CERS4: variants seen among roughly 807,000 people sequenced by gnomAD.
The protein encoded by CERS4 is LAG1 homolog, ceramide synthase 4.
CERS4 carries 65 observed loss-of-function variants against 51.8 expected under a neutral mutation model. That is an observed-to-expected ratio of 1.26 (90% CI 1.03 to 1.54). The LOEUF is 1.54. CERS4 is among the 40% of genes most tolerant of loss of function. CERS4 has a pLI of 0.00. For missense variants in CERS4, 563 were observed against 500.4 expected (o/e 1.13, Z -1.19); for synonymous variants, 228 against 208.4 (o/e 1.09, Z -0.81).
intron 2 of CERS4, among the ~76,000 whole-genome samples, chr19:8,244,839 G>C (rs970722629): frequency 1.3e-5 from 2 of 151,638 alleles, no homozygotes; most frequent in African/African-American, 4.8e-5. Context: ...CTGCCCCCTA[G>C]GCTGGTCTTG....
intron 2 of CERS4, among the ~76,000 whole-genome samples, chr19:8,236,680 TAAA>T (rs59164781): frequency 0.052 from 6,329 of 122,112 alleles, 265 homozygotes; most frequent in African/African-American, 0.12. Context: ...CCCTGTCTTC[TAAA>T]AAAAAAAAAA....
intron 2 of CERS4, among the ~76,000 whole-genome samples, chr19:8,223,434 A>G (rs956499951): frequency 9.9e-5 from 15 of 151,592 alleles, no homozygotes; most frequent in African/African-American, 3.6e-4. Context: ...CCTGACCAAC[A>G]TGTTGAAACC....
intron 9 of CERS4, among the ~76,000 whole-genome samples, chr19:8,257,418 G>A (rs1428250152): frequency 2.7e-5 from 4 of 149,508 alleles, no homozygotes; most frequent in Non-Finnish European, 4.4e-5. Context: ...CTACACACAT[G>A]TGCACACACG....
intron 3 of CERS4, among the ~76,000 whole-genome samples, chr19:8,253,479 CAG>C (rs1407179909): frequency 5.1e-5 from 6 of 117,508 alleles, no homozygotes; most frequent in African/African-American, 7.1e-5. Context: ...TTTGGGGAGA[CAG>C]AGTCTTGTTG....
chr19:8,211,890 CA>C (rs57231018), intron 2 of CERS4, among the ~76,000 whole-genome samples: 2,677 of 75,524 alleles, frequency 0.035, 25 homozygotes, highest in Non-Finnish European at 0.052. Flanking sequence ...AGACTATCTC[CA>C]AAAAAAAAAA....
intron 2 of CERS4, among the ~76,000 whole-genome samples, chr19:8,237,931 CTG>C (rs1167769097): frequency 1.3e-5 from 2 of 152,276 alleles, no homozygotes; most frequent in East Asian, 3.9e-4. Context: ...CTCCGTAATG[CTG>C]TTTTTATTTT....
intron 7 of CERS4, 102 bp downstream of exon 7, chr19:8,256,388 T>TC: frequency 1.5e-6 from 2 of 1,325,606 alleles, no homozygotes; most frequent in Non-Finnish European, 1.1e-6. Context: ...ACACTGTCAT[T>TC]CCCCACTGAG....
At chr19:8,257,769 T>A (rs1309968286) in intron 9 of CERS4, 110 bp from the exon 10 acceptor site, 3 of 772,834 alleles carry the variant, frequency 3.9e-6, no homozygotes, top group Non-Finnish European at 4.5e-6. Context: ...AGGTAGGTAG[T>A]TCCTGGAAAC....
At chr19:8,250,893 G>GTC in intron 2 of CERS4, 183 bp from the exon 3 acceptor site, 7 of 1,424,096 alleles carry the variant, frequency 4.9e-6, no homozygotes, top group South Asian at 1.7e-5. Flanking sequence ...GGCTCTTCTG[G>GTC]GACCAGAGGA....
At chr19:8,219,072 T>G (rs1318052560) in intron 2 of CERS4, among the ~76,000 whole-genome samples, 1 of 152,046 alleles carries the variant, frequency 6.6e-6, no homozygotes, top group Non-Finnish European at 1.5e-5. Context: ...CTGGGCATGG[T>G]GGCGGGCGCC....
chr19:8,236,126 C>T (rs755605678), intron 2 of CERS4, among the ~76,000 whole-genome samples: 2 of 151,958 alleles, frequency 1.3e-5, no homozygotes, highest in Non-Finnish European at 1.5e-5. Context: ...AACCGGGAGG[C>T]GGAGCTTGCA....
chr19:8,256,876 C>T (rs1486708658), intron 8 of CERS4, 73 bp from the exon 9 acceptor site: 3 of 1,609,878 alleles, frequency 1.9e-6, no homozygotes, highest in African/African-American at 1.3e-5. Flanking sequence ...AAAGGACCCA[C>T]TTCTTGGCCC....
At chr19:8,236,680 TAAAAA>T (rs59164781) in intron 2 of CERS4, among the ~76,000 whole-genome samples, 1 of 122,362 alleles carries the variant, frequency 8.2e-6, no homozygotes, top group Admixed American at 8.9e-5. Flanking sequence ...CCCTGTCTTC[TAAAAA>T]AAAAAAAAAA....
chr19:8,226,868 C>T (rs1249473768), intron 2 of CERS4, among the ~76,000 whole-genome samples: 1 of 152,118 alleles, frequency 6.6e-6, no homozygotes, highest in African/African-American at 2.4e-5. Flanking sequence ...GTGGCTCACA[C>T]CTGTAATCCC....
chr19:8,239,886 C>T (rs1054561655), intron 2 of CERS4, among the ~76,000 whole-genome samples: 2 of 152,150 alleles, frequency 1.3e-5, no homozygotes, highest in Admixed American at 1.3e-4. Flanking sequence ...CTGTCTGAGG[C>T]TCTGAGGATA....
At chr19:8,221,875 T>TTTG (rs1967564601) in intron 2 of CERS4, among the ~76,000 whole-genome samples, 2 of 85,650 alleles carry the variant, frequency 2.3e-5, no homozygotes, top group Non-Finnish European at 5.0e-5. Flanking sequence ...TTTTTATGTT[T>TTTG]TTTTTTTTTT....
At position 8,257,964 on chromosome 19, in the gene CERS4, G is replaced by T. The variant is rs781342642; in HGVS notation, c.827G>T (p.Arg276Leu). ...LIFSFVFFYTRLVLFPTQILY... is the reference protein window; with the variant it reads ...LIFSFVFFYTLLVLFPTQILY... The stretch of plus-strand genomic sequence containing the variant: ...TTCTCCTTTGTCTTCTTCTACACCC[G>T]ACTGGTCCTCTTTCCCACCCAGTGA... Residue 276 changes from arginine (R) to leucine (L), a missense_variant, in exon 10 of 12, where the codon CGA becomes CTA. Coordinates refer to ENST00000251363, the MANE Select transcript of CERS4 (RefSeq NM_024552.3). 1.2e-6 allele frequency: 2 copies of T among 1,613,826 alleles called. No individual in the cohort carries two copies. Among genetic ancestry groups the T allele is most frequent in the South Asian group, 2.2e-5 (2 of 91,076 alleles).
intron 3 of CERS4, among the ~76,000 whole-genome samples, 177 bp from the exon 4 acceptor site, chr19:8,254,322 C>CCAAAAA (rs1555779245): frequency 2.6e-5 from 1 of 38,772 alleles, no homozygotes; most frequent in African/African-American, 7.9e-5. Context: ...TACTCTGTCT[C>CCAAAAA]AAAAAAAAAA....
chr19:8,254,417 C>A (rs140636793), intron 3 of CERS4, 82 bp from the exon 4 acceptor site: 17 of 1,318,440 alleles, frequency 1.3e-5, no homozygotes, highest in Non-Finnish European at 1.7e-5. Context: ...TTGGTTATCC[C>A]ACCGGCAGCA....
Sources: allele counts gnomAD v4.1 joint callset (sites outside exome capture counted in the v4.1 genomes callset), GRCh38; gene constraint gnomAD v4.1.1; transcripts MANE v1.5; gene names NCBI Gene and HGNC (gene_info 2026-07-23, HGNC 2026-07-21).